CSMD1: variants seen among roughly 807,000 people sequenced by gnomAD.
CSMD1 encodes CUB and Sushi multiple domains 1, also known as CUB and sushi domain-containing protein 1.
In CSMD1, 213 loss-of-function variants were observed where a neutral mutation model predicts 417.5. That is an observed-to-expected ratio of 0.51 (90% CI 0.46 to 0.57). CSMD1 has a LOEUF of 0.57. Ranked by LOEUF, CSMD1 falls within the 20% of genes least tolerant of loss-of-function variation. CSMD1 has a pLI of 0.00. For missense variants in CSMD1, 6,923 were observed against 4,529.7 expected (o/e 1.53, Z -15.17); for synonymous variants, 2,862 against 1,736.8 (o/e 1.65, Z -16.11).
chr8:4,383,139 A>G (rs1234936034), intron 3 of CSMD1, among the ~76,000 whole-genome samples: 1 of 152,156 alleles, frequency 6.6e-6, no homozygotes, highest in African/African-American at 2.4e-5. Context: ...AAGCAACTTG[A>G]TGATTTGTTT....
intron 3 of CSMD1, among the ~76,000 whole-genome samples, chr8:4,096,944 C>T (rs561289605): frequency 7.2e-5 from 11 of 152,282 alleles, no homozygotes; most frequent in South Asian, 2.1e-4. Flanking sequence ...CAAAAACAAA[C>T]GCCATTTAGA....
chr8:4,086,119 T>A (rs1272523640), intron 3 of CSMD1, among the ~76,000 whole-genome samples: 1 of 152,210 alleles, frequency 6.6e-6, no homozygotes, highest in Non-Finnish European at 1.5e-5. Flanking sequence ...TTCTATGAGG[T>A]AGATGTTATT....
At chr8:4,025,998 G>C (rs559955046) in intron 4 of CSMD1, among the ~76,000 whole-genome samples, 11 of 138,114 alleles carry the variant, frequency 8.0e-5, no homozygotes, top group African/African-American at 2.6e-4. Context: ...TCATGCTACT[G>C]TTAGGAACTC....
intron 3 of CSMD1, among the ~76,000 whole-genome samples, chr8:4,231,327 CAT>C (rs1801714111): frequency 2.0e-5 from 3 of 152,190 alleles, no homozygotes; most frequent in Non-Finnish European, 4.4e-5. Flanking sequence ...TCCAACCTCA[CAT>C]ATGACTTCAA....
intron 1 of CSMD1, among the ~76,000 whole-genome samples, chr8:4,917,625 C>G (rs563081219): frequency 6.0e-4 from 91 of 151,486 alleles, no homozygotes; most frequent in Middle Eastern, 6.8e-3. Flanking sequence ...CAGAGCGAGA[C>G]TCCGTCTCAA....
chr8:3,407,964 A>G lies in CSMD1; in HGVS notation c.2006T>C (p.Ile669Thr), dbSNP rs773769225. 1.9e-6 allele frequency: 3 copies of G among 1,613,636 alleles called. No individual in the cohort carries two copies. Among genetic ancestry groups the G allele is most frequent in the African/African-American group, 1.3e-5 (1 of 74,918 alleles). ...GTCAGACTGAAATTCCAAGCGAACT[A>G]TATGCCCACTGCTGGCCAGCTGGGA... ...VPSQLASSGHIVRLEFQSDHS... is the reference protein window; with the variant it reads ...VPSQLASSGHTVRLEFQSDHS... The change falls in exon 14 of 70, where the codon ATA becomes ACA. Residue 669 changes from isoleucine (I) to threonine (T), a missense_variant. Physicochemically the swap from Ile to Thr is moderately conservative, Grantham distance 89 (BLOSUM62 -1). Transcript: ENST00000635120.
intron 18 of CSMD1, among the ~76,000 whole-genome samples, chr8:3,385,025 AATATAAT>A (rs1268645068): frequency 2.1e-4 from 24 of 113,030 alleles, no homozygotes; most frequent in East Asian, 1.2e-3. Context: ...ATAATATATA[AATATAAT>A]ATATATAATA....
intron 5 of CSMD1, among the ~76,000 whole-genome samples, chr8:3,871,290 G>A (rs1275421623): frequency 6.6e-6 from 1 of 151,968 alleles, no homozygotes; most frequent in Non-Finnish European, 1.5e-5. Context: ...AAGCTGCACT[G>A]ATTTATACTC....
chr8:4,246,655 C>G (rs796352530), intron 3 of CSMD1, among the ~76,000 whole-genome samples: 4 of 152,052 alleles, frequency 2.6e-5, no homozygotes, highest in African/African-American at 9.6e-5. Context: ...CTGAGGCAAG[C>G]AAAAGAAACA....
At chr8:3,477,617 T>G (rs1341365530) in intron 11 of CSMD1, among the ~76,000 whole-genome samples, 1 of 152,164 alleles carries the variant, frequency 6.6e-6, no homozygotes, top group African/African-American at 2.4e-5. Flanking sequence ...GATAAATATC[T>G]CTGGTACAAA....
intron 10 of CSMD1, among the ~76,000 whole-genome samples, chr8:3,541,336 TGGACACA>T (rs1365747344): frequency 6.6e-6 from 1 of 151,976 alleles, no homozygotes; most frequent in Non-Finnish European, 1.5e-5. Flanking sequence ...TGAGAACACA[TGGACACA>T]GGGAAAGGAA....
At chr8:3,150,899 A>T (rs1477353035) in intron 40 of CSMD1, among the ~76,000 whole-genome samples, 5 of 152,246 alleles carry the variant, frequency 3.3e-5, no homozygotes, top group African/African-American at 1.2e-4. Context: ...TAAAATGTTA[A>T]TAACTAGATA....
At chr8:4,414,105 G>C (rs201823727) in intron 3 of CSMD1, among the ~76,000 whole-genome samples, 11 of 152,150 alleles carry the variant, frequency 7.2e-5, no homozygotes, top group East Asian at 1.9e-4. Context: ...TGGAGTTTGG[G>C]TTATCACTTC....
rs534325822 is a variant in CSMD1, at chr8:3,849,598, C to A, written c.819-95556G>T. Among the ~76,000 whole-genome samples, 6 of 152,256 alleles carry A rather than the reference C, an allele frequency of 3.9e-5. 1 individual carries two copies. In the South Asian group the frequency reaches 1.2e-3, roughly 32 times the overall value. ...GCTAATGCTCCACATGGGAAAAGAA[C>A]AGTGATTCCTGGGCCTGTCTGCTGG... On this transcript the variant is annotated intron_variant, in intron 5 of 69. Coordinates refer to ENST00000635120, the MANE Select transcript of CSMD1 (RefSeq NM_033225.6).
At chr8:4,320,085 T>A (rs1052955943) in intron 3 of CSMD1, among the ~76,000 whole-genome samples, 1 of 152,150 alleles carries the variant, frequency 6.6e-6, no homozygotes, top group Non-Finnish European at 1.5e-5. Flanking sequence ...CCAACAAACA[T>A]TACATGTTCA....
intron 11 of CSMD1, among the ~76,000 whole-genome samples, chr8:3,477,573 G>C (rs1330466746): frequency 6.6e-6 from 1 of 152,206 alleles, no homozygotes; most frequent in Non-Finnish European, 1.5e-5. Flanking sequence ...TGAGGATGGA[G>C]TAAAATACCA....
rs558724360 is a variant in CSMD1 at position 4,473,365 on chromosome 8, T to A, written c.303-53300A>T. On this transcript the variant is annotated intron_variant, in intron 2 of 69. Transcript: ENST00000635120. ...CCTGATGCCATTGGGGTATCTGAGG[T>A]TGAGAAAGTGGCTGGCTTACCCCAT... Among the ~76,000 whole-genome samples, 62 of 152,280 alleles carry A rather than the reference T, an allele frequency of 4.1e-4. 1 individual carries two copies. The highest frequency in any genetic ancestry group is 9.2e-4 in the Admixed American group (14 of 15,288).
chr8:3,054,652 T>C (rs1028503537), intron 49 of CSMD1, among the ~76,000 whole-genome samples: 10 of 152,134 alleles, frequency 6.6e-5, no homozygotes, highest in African/African-American at 1.7e-4. Flanking sequence ...TGTGTGTGTG[T>C]GCACATGCAT....
rs78892421 is a variant in CSMD1 at position 3,025,870 on chromosome 8, C to T, written c.7855+3449G>A. Among the ~76,000 whole-genome samples, 200 of 152,062 alleles carry T rather than the reference C, an allele frequency of 1.3e-3. 5 individuals are homozygous for T. The East Asian group carries it at 0.022, about 16-fold the overall frequency. Reference sequence around the variant, plus strand: ...TTAAATTAATACGTAAAATTGTATCCGTTTTAGTGTAAATAAATTAACAAA... The same window carrying T: ...TTAAATTAATACGTAAAATTGTATCTGTTTTAGTGTAAATAAATTAACAAA... On this transcript the variant is annotated intron_variant, in intron 51 of 69. Transcript: ENST00000635120.
Sources: allele counts gnomAD v4.1 joint callset (sites outside exome capture counted in the v4.1 genomes callset), GRCh38; gene constraint gnomAD v4.1.1; transcripts MANE v1.5; gene names NCBI Gene and HGNC (gene_info 2026-07-23, HGNC 2026-07-21).